PCDHA4: variants seen among roughly 807,000 people sequenced by gnomAD.
The protein encoded by PCDHA4 is protocadherin alpha 4, also known as protocadherin alpha-4.
A neutral mutation model predicts 61.4 loss-of-function variants in PCDHA4; 49 were observed. The observed-to-expected ratio is 0.80, with a 90% CI of 0.63 to 1.01. The LOEUF (loss-of-function observed/expected upper bound fraction) is 1.01. Among genes scored for constraint, PCDHA4 ranks in the 50% least tolerant of loss-of-function variants. The pLI, the probability that PCDHA4 is intolerant of heterozygous loss-of-function variation, is 0.00. For missense variants in PCDHA4, 1,254 were observed against 1,235.8 expected (o/e 1.01, Z -0.22); for synonymous variants, 590 against 550.3 (o/e 1.07, Z -1.01).
At chr5:140,924,906 TA>T (rs1284498744) in intron 1 of PCDHA4, among the ~76,000 whole-genome samples, 1 of 55,776 alleles carries the variant, frequency 1.8e-5, no homozygotes, top group African/African-American at 8.7e-5. Flanking sequence ...AAAAAAAAAA[TA>T]AAATAAAATA....
intron 1 of PCDHA4, chr5:140,857,571 C>A (rs782707848): frequency 7.5e-6 from 12 of 1,596,630 alleles, no homozygotes; most frequent in Non-Finnish European, 9.4e-6. Flanking sequence ...AGCTACGTGT[C>A]GGTGCACGCG....
chr5:140,830,219 C>G (rs2150182909), intron 1 of PCDHA4: 3 of 1,613,894 alleles, frequency 1.9e-6, no homozygotes, highest in Admixed American at 3.3e-5. Context: ...GGTATCCAGC[C>G]TGCTGGTCCT....
intron 1 of PCDHA4, among the ~76,000 whole-genome samples, chr5:140,920,082 C>T (rs567545861): frequency 2.0e-5 from 3 of 152,248 alleles, no homozygotes; most frequent in East Asian, 1.9e-4. Context: ...ACAGATTCTC[C>T]GTAGAGCCTC....
chr5:140,869,403 G>C, intron 1 of PCDHA4: 3 of 1,614,206 alleles, frequency 1.9e-6, no homozygotes, highest in Non-Finnish European at 2.5e-6. Flanking sequence ...GGCAGAGCGC[G>C]GAGTGCAGCA....
chr5:140,882,307 A>G (rs2153383804), intron 1 of PCDHA4: 1 of 1,613,900 alleles, frequency 6.2e-7, no homozygotes, highest in South Asian at 1.1e-5. Context: ...GACCGCGGCA[A>G]CTACTGCTCT....
At chr5:140,817,507 A>C (rs1766149098) in intron 1 of PCDHA4, 1 of 152,214 alleles carries the variant, frequency 6.6e-6, no homozygotes, top group Non-Finnish European at 1.5e-5. Context: ...GCTTTTACAA[A>C]TTATTTTATT....
rs535981750 is a variant in PCDHA4 at position 140,934,094 on chromosome 5, GCTTT to G, written c.2386-44852_2386-44849del. Among the ~76,000 whole-genome samples, 58 of 151,890 alleles carry G rather than the reference GCTTT, an allele frequency of 3.8e-4. 1 individual carries two copies. The highest frequency in any genetic ancestry group is 6.8e-3 in the Middle Eastern group (2 of 292). ...TTTGGGTTCGCTTTGTTGTATGTTT[GCTTT>G]CTATTTTATTAATTTTCATACTTTA... On this transcript the variant is annotated intron_variant, in intron 1 of 3. Transcript: ENST00000530339.
At chr5:140,870,425 C>T (rs531014522) in intron 1 of PCDHA4, 19 of 1,614,072 alleles carry the variant, frequency 1.2e-5, no homozygotes, top group Non-Finnish European at 1.5e-5. Context: ...GCCAGGGTAT[C>T]CGTGGAGGTG....
intron 1 of PCDHA4, chr5:140,813,734 G>C (rs1350848138): frequency 2.0e-5 from 3 of 152,336 alleles, no homozygotes; most frequent in Non-Finnish European, 4.4e-5. Flanking sequence ...GGTGGCTCAT[G>C]CCTGTAATCC....
chr5:140,889,968 T>A (rs1373057542), intron 1 of PCDHA4, among the ~76,000 whole-genome samples: 2 of 152,170 alleles, frequency 1.3e-5, no homozygotes, highest in Non-Finnish European at 2.9e-5. Context: ...AAAATTACTA[T>A]CCAGTCTCCA....
chr5:140,900,882 A>G (rs1453854297), intron 1 of PCDHA4, among the ~76,000 whole-genome samples: 1 of 152,044 alleles, frequency 6.6e-6, no homozygotes, highest in African/African-American at 2.4e-5. Flanking sequence ...ATTGCCTGTC[A>G]TTTGGATAAA....
Position 140,857,427 on chromosome 5 carries a change from C to A in PCDHA4, c.2385+47855C>A, listed in dbSNP as rs781871079. 21 of 1,598,334 alleles carry A rather than the reference C, an allele frequency of 1.3e-5. 1 individual carries two copies. The highest frequency in any genetic ancestry group is 4.4e-5 in the South Asian group (4 of 90,554). On this transcript the variant is annotated intron_variant, in intron 1 of 3. Transcript: ENST00000530339. ...CCTGCGTTCGCGCAGTCCGAGTACACGGTGTTCGTGAAGGAGAACAACCCG... is the reference window on the plus strand; with the variant it reads ...CCTGCGTTCGCGCAGTCCGAGTACAAGGTGTTCGTGAAGGAGAACAACCCG...
At chr5:140,932,113 T>G (rs2088043197) in intron 1 of PCDHA4, among the ~76,000 whole-genome samples, 1 of 151,918 alleles carries the variant, frequency 6.6e-6, no homozygotes, top group South Asian at 2.1e-4. Flanking sequence ...TATTTCCAAT[T>G]GATAATATTT....
intron 1 of PCDHA4, among the ~76,000 whole-genome samples, chr5:140,941,214 C>CCTTTCTTTCTTCCTTTCTTTCTTTCTTT (rs2092876516): frequency 4.1e-5 from 5 of 122,412 alleles, no homozygotes; most frequent in Non-Finnish European, 8.5e-5. Flanking sequence ...TTTCTTTCTT[C>CCTTTCTTTCTTCCTTTCTTTCTTTCTTT]CTTTCTTTCT....
At chr5:140,954,831 C>CCT (rs2095096167) in intron 1 of PCDHA4, among the ~76,000 whole-genome samples, 1 of 152,116 alleles carries the variant, frequency 6.6e-6, no homozygotes, top group Admixed American at 6.5e-5. Flanking sequence ...GCACTTTTGT[C>CCT]ATGAAATCTT....
intron 1 of PCDHA4, chr5:140,843,311 A>T: frequency 6.3e-7 from 1 of 1,595,942 alleles, no homozygotes; most frequent in Non-Finnish European, 8.6e-7. Flanking sequence ...CGCCACGGCC[A>T]CGGTTCTGGT....
intron 1 of PCDHA4, chr5:140,810,864 T>C (rs1429757460): frequency 6.6e-6 from 1 of 152,174 alleles, no homozygotes; most frequent in Non-Finnish European, 1.5e-5. Flanking sequence ...AATTTATCAA[T>C]TTTTGCTTCT....
intron 1 of PCDHA4, chr5:140,842,386 A>G (rs1554138984): frequency 1.2e-6 from 2 of 1,611,028 alleles, no homozygotes; most frequent in Non-Finnish European, 1.7e-6. Flanking sequence ...TGACTTCCTT[A>G]TCCTTGCCTG....
intron 1 of PCDHA4, chr5:140,810,805 T>C (rs1764732440): frequency 6.6e-6 from 1 of 152,136 alleles, no homozygotes; most frequent in Non-Finnish European, 1.5e-5. Flanking sequence ...TAGTTTTTAA[T>C]TCTTTTTTGT....
Sources: gnomAD v4.1 joint callset for allele counts (sites outside exome capture counted in the v4.1 genomes callset) on GRCh38, gnomAD v4.1.1 for gene constraint, MANE v1.5 for transcripts, NCBI Gene and HGNC (gene_info 2026-07-23, HGNC 2026-07-21) for gene names.